The following SYT16 variants were observed in gnomAD, a reference collection of about 807,000 sequenced individuals.
SYT16 encodes the protein synaptotagmin 16, also known as synaptotagmin-16.
SYT16 carries 42 observed loss-of-function variants against 61.4 expected under a neutral mutation model. That is an observed-to-expected ratio of 0.68 (90% confidence interval 0.53 to 0.89). SYT16 has a LOEUF of 0.89. Ranked by LOEUF, SYT16 falls within the 40% of genes least tolerant of loss-of-function variation. The probability of loss-of-function intolerance (pLI) is 0.00; values close to 1 mark genes in which losing one functional copy is unlikely to be tolerated. For missense variants in SYT16, 804 were observed against 807.3 expected (o/e 1.00, Z 0.05); for synonymous variants, 314 against 302.3 (o/e 1.04, Z -0.40).
intron 2 of SYT16, among the ~76,000 whole-genome samples, chr14:61,972,256 A>T (rs2051593174): frequency 6.6e-6 from 1 of 152,208 alleles, no homozygotes; most frequent in Non-Finnish European, 1.5e-5. Flanking sequence ...AAAGTTGGTG[A>T]TGTTTTCTCC....
intron 1 of SYT16, among the ~76,000 whole-genome samples, chr14:61,947,027 A>G (rs1425782184): frequency 3.3e-5 from 5 of 152,026 alleles, no homozygotes; most frequent in Non-Finnish European, 7.4e-5. Flanking sequence ...ACAGGGTGGT[A>G]TACAGTGAGG....
intron 1 of SYT16, among the ~76,000 whole-genome samples, chr14:61,919,374 G>A (rs543423271): frequency 6.6e-6 from 1 of 152,316 alleles, no homozygotes; most frequent in African/African-American, 2.4e-5. Context: ...TGGTGCAAAG[G>A]TACACAAATT....
chr14:62,009,827 TCAGA>T (rs1464646629), intron 3 of SYT16, among the ~76,000 whole-genome samples: 4 of 152,180 alleles, frequency 2.6e-5, no homozygotes, highest in African/African-American at 4.8e-5. Context: ...ATAGCACCTG[TCAGA>T]CAGTTTCTCT....
At chr14:61,961,264 C>T (rs922688525) in intron 1 of SYT16, among the ~76,000 whole-genome samples, 31 of 152,236 alleles carry the variant, frequency 2.0e-4, no homozygotes, top group African/African-American at 6.7e-4. Context: ...CAAAAATTGA[C>T]ACCTGGGACC....
intron 3 of SYT16, among the ~76,000 whole-genome samples, chr14:62,042,725 G>T (rs1254929): frequency 0.36 from 54,094 of 152,016 alleles, 10,482 homozygotes; most frequent in Middle Eastern, 0.48. Context: ...CTCTTGGCAG[G>T]TTTCCTCTTT....
chr14:61,856,259 G>A (rs2046771203), intron 1 of SYT16, among the ~76,000 whole-genome samples: 1 of 152,226 alleles, frequency 6.6e-6, no homozygotes, highest in Admixed American at 6.5e-5. Flanking sequence ...TGCTCTGGCT[G>A]CTGCTTTGAC....
intron 6 of SYT16, among the ~76,000 whole-genome samples, chr14:62,082,148 A>G (rs1566831447): frequency 6.6e-6 from 1 of 152,072 alleles, no homozygotes; most frequent in Non-Finnish European, 1.5e-5. Flanking sequence ...TGTGAGGAGG[A>G]TGAGAGTTCC....
At chr14:62,073,328 T>C (rs1172313851) in intron 4 of SYT16, among the ~76,000 whole-genome samples, 2 of 152,226 alleles carry the variant, frequency 1.3e-5, no homozygotes, top group African/African-American at 4.8e-5. Flanking sequence ...TGCTGGGTTC[T>C]ACACATGTTG....
At chr14:61,849,449 G>C (rs907418531) in intron 1 of SYT16, among the ~76,000 whole-genome samples, 1 of 152,174 alleles carries the variant, frequency 6.6e-6, no homozygotes, top group African/African-American at 2.4e-5. Context: ...TAGGACCCCA[G>C]AGCACTTTAG....
chr14:61,842,788 G>A (rs2046336965), intron 1 of SYT16, among the ~76,000 whole-genome samples: 1 of 150,514 alleles, frequency 6.6e-6, no homozygotes, highest in Admixed American at 6.6e-5. Flanking sequence ...GGTGGGGGGA[G>A]CGGGGAGGGA....
intron 1 of SYT16, among the ~76,000 whole-genome samples, chr14:61,867,821 A>G (rs752183054): frequency 3.3e-5 from 5 of 151,982 alleles, no homozygotes; most frequent in African/African-American, 4.8e-5. Context: ...CTCTTTATGA[A>G]GTTGAGGCAG....
rs1339106784 is a variant in SYT16, at chr14:62,069,585, G to A, written c.524-18G>A. 1.9e-6 allele frequency: 3 copies of A among 1,610,540 alleles called. No individual in the cohort carries two copies. The highest frequency in any genetic ancestry group is 1.7e-5 in the Admixed American group (1 of 59,958). ...ATATAGGCCACACAGGAGACTCATG[G>A]CTCTTGTTTACTCCCAGTCAACAGC... On this transcript the variant is annotated intron_variant, in intron 3 of 7. Coordinates refer to ENST00000683842, the MANE Select transcript of SYT16 (RefSeq NM_001367656.1).
At chr14:62,039,498 A>G (rs1451720895) in intron 3 of SYT16, among the ~76,000 whole-genome samples, 1 of 152,214 alleles carries the variant, frequency 6.6e-6, no homozygotes, top group East Asian at 1.9e-4. Flanking sequence ...AAGGACATGC[A>G]ACCTGAAGAA....
At chr14:61,939,030 G>C (rs556412474) in intron 1 of SYT16, among the ~76,000 whole-genome samples, 99 of 152,324 alleles carry the variant, frequency 6.5e-4, no homozygotes, top group African/African-American at 2.4e-3. Flanking sequence ...AGCTACTTGG[G>C]AGGCTGAGGC....
intron 2 of SYT16, among the ~76,000 whole-genome samples, chr14:61,994,386 A>T (rs560960694): frequency 2.0e-5 from 3 of 152,214 alleles, no homozygotes; most frequent in African/African-American, 7.2e-5. Flanking sequence ...TTTTCCTTCA[A>T]CCAGCCTGGG....
intron 1 of SYT16, among the ~76,000 whole-genome samples, chr14:61,846,684 T>C (rs151058037): frequency 2.0e-5 from 3 of 152,302 alleles, no homozygotes; most frequent in Non-Finnish European, 4.4e-5. Context: ...AAGAACTTAC[T>C]CCTGCCATTT....
chr14:62,019,186 C>A (rs1316647448), intron 3 of SYT16, among the ~76,000 whole-genome samples: 1 of 152,212 alleles, frequency 6.6e-6, no homozygotes, highest in African/African-American at 2.4e-5. Flanking sequence ...GAAGGAATAA[C>A]ACTGTAGTAA....
At chr14:61,829,571 C>T (rs2045872377) in intron 1 of SYT16, among the ~76,000 whole-genome samples, 1 of 152,096 alleles carries the variant, frequency 6.6e-6, no homozygotes, top group African/African-American at 2.4e-5. Context: ...TATTGTCCCA[C>T]AGCTCCCTGA....
At position 61,960,796 on chromosome 14, in the gene SYT16, T is replaced by A. The variant is rs573487846; in HGVS notation, c.-324-9336T>A. Among the ~76,000 whole-genome samples, 11 of 152,286 alleles carry A rather than the reference T, an allele frequency of 7.2e-5. No individual in the cohort carries two copies. The East Asian group carries it at 2.1e-3, about 29-fold the overall frequency. ...TTGTGCTGGTTTTCAAGGGGAATGCTTCCAGGTTTTGCCCATTCAGTATGA... is the reference window on the plus strand; with the variant it reads ...TTGTGCTGGTTTTCAAGGGGAATGCATCCAGGTTTTGCCCATTCAGTATGA... On this transcript the variant is annotated intron_variant, in intron 1 of 7. Coordinates refer to ENST00000683842, the MANE Select transcript of SYT16 (RefSeq NM_001367656.1).
Sources: gnomAD v4.1 joint callset for allele counts (sites outside exome capture counted in the v4.1 genomes callset) on GRCh38, gnomAD v4.1.1 for gene constraint, MANE v1.5 for transcripts, NCBI Gene and HGNC (gene_info 2026-07-23, HGNC 2026-07-21) for gene names.